DMD: variants seen among roughly 807,000 people sequenced by gnomAD.
The protein encoded by DMD is dystrophin.
Under a neutral mutation model 330.1 loss-of-function variants are expected in DMD, and 63 were observed. The observed-to-expected ratio is 0.19, with a 90% confidence interval of 0.16 to 0.24. The LOEUF is 0.24. DMD is among the 10% of genes least tolerant of loss of function. The probability of loss-of-function intolerance (pLI) is 1.00; values close to 1 mark genes in which losing one functional copy is unlikely to be tolerated. For missense variants in DMD, 3,344 were observed against 2,684.1 expected (o/e 1.25, Z -5.43); for synonymous variants, 1,223 against 959.8 (o/e 1.27, Z -5.07).
At chrX:32,570,631 T>C (rs900279919) in intron 15 of DMD, among the ~76,000 whole-genome samples, 1 of 111,739 alleles carries the variant, frequency 8.9e-6, no homozygotes, top group Non-Finnish European at 1.9e-5. Flanking sequence ...GGCCTGGACC[T>C]GAGTCTGGAT....
intron 37 of DMD, among the ~76,000 whole-genome samples, chrX:32,359,484 G>A (rs2097822610): frequency 9.0e-6 from 1 of 110,766 alleles, no homozygotes; most frequent in African/African-American, 3.3e-5. Flanking sequence ...ATGAAACTTA[G>A]ACATAGACTC....
intron 50 of DMD, among the ~76,000 whole-genome samples, chrX:31,786,003 G>A (rs778967907): frequency 2.7e-5 from 3 of 111,832 alleles, no homozygotes; most frequent in Non-Finnish European, 5.6e-5. Flanking sequence ...ATTTCTGGTT[G>A]TAGATCCTTG....
chrX:32,565,975 A>T, intron 15 of DMD, 94 bp from the exon 16 acceptor site: 1 of 791,467 alleles, frequency 1.3e-6, no homozygotes, highest in Non-Finnish European at 1.9e-6. Flanking sequence ...GCTCATTTGC[A>T]TAGATAAGAA....
chrX:32,573,930 G>C (rs1313838360), intron 13 of DMD, 84 bp from the exon 14 acceptor site: 3 of 768,291 alleles, frequency 3.9e-6, no homozygotes, highest in Non-Finnish European at 5.9e-6. Context: ...ATTTGCCAAA[G>C]TATCTCAGTC....
At chrX:33,082,516 T>C (rs1429406473) in intron 1 of DMD, among the ~76,000 whole-genome samples, 1 of 111,054 alleles carries the variant, frequency 9.0e-6, no homozygotes, top group Non-Finnish European at 1.9e-5. Context: ...AGCCAACAAT[T>C]GAACCCAGGC....
intron 19 of DMD, among the ~76,000 whole-genome samples, chrX:32,500,038 G>GT: frequency 9.0e-6 from 1 of 110,597 alleles, no homozygotes; most frequent in African/African-American, 3.3e-5. Context: ...GCCTAATGAC[G>GT]TATCAGTTCG....
At chrX:32,980,241 C>T (rs1428521649) in intron 2 of DMD, among the ~76,000 whole-genome samples, 1 of 107,332 alleles carries the variant, frequency 9.3e-6, no homozygotes, top group African/African-American at 3.4e-5. Context: ...TAGCAGGCGC[C>T]TGTAATCCCA....
At position 32,889,876 on chromosome X, in the gene DMD, C is replaced by T. The variant is rs185421327; in HGVS notation, c.94-40056G>A. Among the ~76,000 whole-genome samples, 5 of 111,039 alleles carry T rather than the reference C, an allele frequency of 4.5e-5. No homozygotes were observed. In the East Asian group the frequency reaches 8.5e-4, roughly 19 times the overall value. On this transcript the variant is annotated intron_variant, in intron 2 of 78. Transcript: ENST00000357033. Reference sequence around the variant, plus strand: ...AAGCCTGTTTGGTGGTCTCTTCACTCGGAGGGGCGTGACAATCAGGTCCCC... The same window carrying T: ...AAGCCTGTTTGGTGGTCTCTTCACTTGGAGGGGCGTGACAATCAGGTCCCC...
chrX:31,952,817 C>G (rs2095201273), intron 45 of DMD, among the ~76,000 whole-genome samples: 1 of 111,740 alleles, frequency 8.9e-6, no homozygotes, highest in Non-Finnish European at 1.9e-5. Context: ...AAAGGAGCCC[C>G]AAATTCTGAT....
intron 1 of DMD, among the ~76,000 whole-genome samples, chrX:33,131,337 C>A (rs2095498373): frequency 9.0e-6 from 1 of 111,358 alleles, no homozygotes; most frequent in South Asian, 3.8e-4. Context: ...CACTTCATAT[C>A]AATGAAATCA....
chrX:32,718,746 AAT>A (rs1316985606), intron 7 of DMD, among the ~76,000 whole-genome samples: 2 of 112,162 alleles, frequency 1.8e-5, no homozygotes, highest in Non-Finnish European at 3.8e-5. Flanking sequence ...TATTAATATA[AAT>A]ATGTCACATA....
intron 51 of DMD, among the ~76,000 whole-genome samples, chrX:31,739,160 A>G (rs1346513570): frequency 8.9e-6 from 1 of 111,861 alleles, no homozygotes; most frequent in Non-Finnish European, 1.9e-5. Flanking sequence ...TGCTTACTAC[A>G]CATTGCATGC....
At position 32,645,142 on chromosome X, in the gene DMD, G is replaced by A. The variant is rs749880195; in HGVS notation, c.971C>T (p.Ala324Val). Residue 324 changes from alanine to valine, a missense_variant, in exon 10 of 79, where the codon GCT becomes GTT. Ala to Val is a moderately conservative substitution (Grantham distance 64, BLOSUM62 0). Coordinates refer to ENST00000357033, the MANE Select transcript of DMD (RefSeq NM_004006.3). ...RSPFPSQHLEAPEDKSFGSSL... is the reference protein window; with the variant it reads ...RSPFPSQHLEVPEDKSFGSSL... ...ACTGCCAAATGACTTGTCTTCAGGA[G>A]CTTCCAAATGCTGCACAATAAAATA... is the stretch of plus-strand genomic sequence containing the variant. The A allele has an allele frequency of 8.3e-7, 1 of 1,210,945 alleles. No individual in the cohort carries two copies. Among genetic ancestry groups the A allele is most frequent in the East Asian group, 3.0e-5 (1 of 33,827 alleles).
intron 1 of DMD, among the ~76,000 whole-genome samples, chrX:33,276,627 A>T (rs754881116): frequency 8.9e-6 from 1 of 112,205 alleles, no homozygotes; most frequent in Non-Finnish European, 1.9e-5. Context: ...TATTGTAAGT[A>T]AAAAAGAAAG....
At chrX:32,731,372 CAA>C (rs1436562687) in intron 7 of DMD, among the ~76,000 whole-genome samples, 1 of 112,678 alleles carries the variant, frequency 8.9e-6, no homozygotes, top group Non-Finnish European at 1.9e-5. Flanking sequence ...ATTAGGTAAA[CAA>C]AGCAGCTGGG....
At chrX:31,980,571 T>A (rs1280586313) in intron 44 of DMD, among the ~76,000 whole-genome samples, 1 of 111,781 alleles carries the variant, frequency 8.9e-6, no homozygotes, top group Non-Finnish European at 1.9e-5. Flanking sequence ...AATGGAAATT[T>A]TTATTTTATT....
At position 31,477,685 on chromosome X, in the gene DMD, C is replaced by T. The variant is rs748568864; in HGVS notation, c.8937+421G>A. Among the ~76,000 whole-genome samples, 7 of 109,977 alleles carry T rather than the reference C, an allele frequency of 6.4e-5. 1 individual carries two copies. The South Asian group carries it at 2.8e-3, about 44-fold the overall frequency. ...CTTATTTCACCAAACCATAACTTAC[C>T]CAAGTCATGTAATTTGGTTAGCAAA... On this transcript the variant is annotated intron_variant, in intron 59 of 78. Transcript: ENST00000357033.
At chrX:31,338,398 G>A (rs191546647) in intron 61 of DMD, among the ~76,000 whole-genome samples, 113 of 109,093 alleles carry the variant, frequency 1.0e-3, no homozygotes, top group Admixed American at 3.3e-3. Context: ...CCTGGGAGGC[G>A]GAGGTTGCAG....
intron 1 of DMD, among the ~76,000 whole-genome samples, chrX:33,045,375 T>A (rs182892718): frequency 1.2e-3 from 121 of 104,085 alleles, no homozygotes; most frequent in Non-Finnish European, 2.1e-3. Context: ...ATTCTTAAGT[T>A]CCATCCTTTG....
Sources: gnomAD v4.1 joint callset for allele counts (sites outside exome capture counted in the v4.1 genomes callset) on GRCh38, gnomAD v4.1.1 for gene constraint, MANE v1.5 for transcripts, NCBI Gene and HGNC (gene_info 2026-07-23, HGNC 2026-07-21) for gene names.